CRYBA2: variants seen among roughly 807,000 people sequenced by gnomAD.
The protein encoded by CRYBA2 is crystallin beta A2, also known as beta-crystallin A2.
In CRYBA2, 17 loss-of-function variants were observed where a neutral mutation model predicts 18.5. The ratio of observed to expected loss-of-function variants is 0.92; its 90% CI spans 0.63 to 1.38. The LOEUF (loss-of-function observed/expected upper bound fraction) is 1.38. CRYBA2 is among the 40% of genes most tolerant of loss of function. The pLI is 0.00. For missense variants in CRYBA2, 271 were observed against 265.0 expected (o/e 1.02, Z -0.16); for synonymous variants, 101 against 106.2 (o/e 0.95, Z 0.30).
Position 218,991,926 on chromosome 2 carries a change from A to G in CRYBA2, c.303+176T>C, listed in dbSNP as rs1945501921. ...ATTTCTGGGCTCCGGGCCTACGCCC[A>G]CAATCCCAACTTTCTTGGAGACACC... On this transcript the variant is annotated intron_variant, in intron 2 of 3. Transcript: ENST00000295728. The G allele has an allele frequency of 9.4e-6, 6 of 636,314 alleles. No homozygotes were observed. In the East Asian group the frequency reaches 1.5e-4, roughly 16 times the overall value. The allele number at this position is 636,314 out of a possible 1,614,324, so 39.4% of individuals were successfully genotyped here.
At chr2:218,992,317 T>C in intron 1 of CRYBA2, 74 bp from the exon 2 acceptor site, 5 of 1,490,390 alleles carry the variant, frequency 3.4e-6, no homozygotes, top group East Asian at 2.3e-5. Context: ...CCGGCCATGA[T>C]TGAAAAGACT....
chr2:218,990,981 C>A lies in CRYBA2; in HGVS notation c.317G>T (p.Ser106Ile), dbSNP rs189370242. 32 of 1,614,124 alleles carry A rather than the reference C, an allele frequency of 2.0e-5. No homozygotes were observed. Among genetic ancestry groups the A allele is most frequent in the Middle Eastern group, 1.6e-4 (1 of 6,062 alleles). ...RPVLCANHND[S>I]RVTLFEGDNF... ...GTCCCCCTCAAACAGTGTCACACGG[C>A]TGTCATTGTGGTTCTGAGGCACAGC... Residue 106 changes from serine (S) to isoleucine (I), a missense_variant, in exon 3 of 4, where the codon AGC becomes ATC. Transcript: ENST00000295728.
Position 218,993,395 on chromosome 2 carries a change from G to T in CRYBA2, c.-219C>A. The stretch of plus-strand genomic sequence containing the variant: ...TTCACCGGGTGGGTGAGCGCGGCAC[G>T]CGAGGGAAATGGACCGGCTGCGAGG... On this transcript the variant is annotated 5_prime_UTR_variant, in exon 1 of 4. Transcript: ENST00000295728. The surrounding 1 kb of genome is among the most constrained non-coding windows in gnomAD (Gnocchi z 7.7). 3.6e-6 allele frequency: 2 copies of T among 550,742 alleles called. No homozygotes were observed. The highest frequency in any genetic ancestry group is 5.0e-5 in the South Asian group (2 of 40,356). 34.1% of individuals were successfully genotyped at this position (550,742 alleles called of 1,614,324 possible).
At position 218,993,177 on chromosome 2, in the gene CRYBA2, G is replaced by T; in HGVS notation, c.-1C>A. Reference sequence around the variant, plus strand: ...GGCCCGGCGCGGGGGCGCTGCTCATGCCGCTGCGGACAGGAAGGGTGGCAC... The same window carrying T: ...GGCCCGGCGCGGGGGCGCTGCTCATTCCGCTGCGGACAGGAAGGGTGGCAC... On this transcript the variant is annotated 5_prime_UTR_variant, in exon 1 of 4. Transcript: ENST00000295728. The surrounding 1 kb of genome is among the most constrained non-coding windows in gnomAD (Gnocchi z 7.7). 1 of 1,595,258 alleles carries T rather than the reference G, an allele frequency of 6.3e-7. No homozygotes were observed. Among genetic ancestry groups the T allele is most frequent in the Non-Finnish European group, 8.5e-7 (1 of 1,172,224 alleles).
At position 218,993,017 on chromosome 2, in the gene CRYBA2, C is replaced by T. The variant is rs1347178307; in HGVS notation, c.160G>A (p.Val54Ile). 6.2e-7 allele frequency: 1 copy of T among 1,601,362 alleles called. No homozygotes were observed. The highest frequency in any genetic ancestry group is 1.1e-5 in the South Asian group (1 of 90,506). ...AGCCGCGGCCAGGCAATCACTCACA[C>T]GCCGTTTTCCACCTTGACCGAGCGC... Reference protein sequence around the residue: ...RVRSVKVENGVWVAFEYPDFQ... With the variant: ...RVRSVKVENGIWVAFEYPDFQ... Residue 54 changes from valine (V) to isoleucine (I), a missense_variant and splice_region_variant, in exon 1 of 4, where the codon GTT (valine) becomes ATT (isoleucine). Val to Ile is a conservative substitution (Grantham distance 29). Coordinates refer to ENST00000295728, the MANE Select transcript of CRYBA2 (RefSeq NM_057093.2). This position sits in a 1 kb window ranked among gnomAD's most constrained non-coding sequence, Gnocchi z 7.7.
chr2:218,990,914 T>C lies in CRYBA2; in HGVS notation c.384A>G (p.Pro128=). The C allele has an allele frequency of 6.2e-7, 1 of 1,614,120 alleles. No individual in the cohort carries two copies. Among genetic ancestry groups the C allele is most frequent in the Non-Finnish European group, 8.5e-7 (1 of 1,180,018 alleles). The change falls in exon 3 of 4, where the codon CCA becomes CCG. Residue 128 remains proline, a synonymous_variant. Coordinates refer to ENST00000295728, the MANE Select transcript of CRYBA2 (RefSeq NM_057093.2). Reference sequence around the variant, plus strand: ...TGGCCCAGCCCATGGAGGGCAGGGATGGGTAGTCATCAACGAGGTCAAACT... The same window carrying C: ...TGGCCCAGCCCATGGAGGGCAGGGACGGGTAGTCATCAACGAGGTCAAACT... ...GCKFDLVDDY[P]SLPSMGWASK... is the part of the protein sequence containing the mutation.
At chr2:218,992,534 T>A (rs1945510152) in intron 1 of CRYBA2, among the ~76,000 whole-genome samples, 1 of 151,970 alleles carries the variant, frequency 6.6e-6, no homozygotes, top group South Asian at 2.1e-4. Context: ...GCCTCAAGGG[T>A]TTAGGCCTTT....
At chr2:218,991,804 G>A in intron 2 of CRYBA2, 1 of 395,834 alleles carries the variant, frequency 2.5e-6, no homozygotes, top group Non-Finnish European at 4.5e-6. Context: ...ATGGCTGTGT[G>A]ACGACAGAGG....
intron 1 of CRYBA2, among the ~76,000 whole-genome samples, chr2:218,992,780 C>T (rs978472977): frequency 5.9e-5 from 9 of 152,182 alleles, no homozygotes; most frequent in African/African-American, 2.2e-4. Context: ...ACGGTGGGGT[C>T]CCATAGGGAC....
Position 218,993,315 on chromosome 2 carries a change from C to T in CRYBA2, c.-139G>A. 1.3e-6 allele frequency: 1 copy of T among 763,998 alleles called. No individual in the cohort carries two copies. Among genetic ancestry groups the T allele is most frequent in the Non-Finnish European group, 2.0e-6 (1 of 493,762 alleles). The allele number at this position is 763,998 out of a possible 1,614,324, so 47.3% of individuals were successfully genotyped here. A position where few individuals can be genotyped will look rare whatever the true frequency, so the allele number is the denominator to read the frequency against. ...CCGGCCTAGCTCTGGACCCGGCTGC[C>T]AGGGGCTCGCAGTCTTCCCGCGCTC... On this transcript the variant is annotated 5_prime_UTR_variant, in exon 1 of 4. The change creates a premature stop within an existing upstream ORF in the 5' untranslated region. Transcript: ENST00000295728. The surrounding 1 kb of genome is among the most constrained non-coding windows in gnomAD (Gnocchi z 7.7).
In CRYBA2 at chr2:218,993,211, C is replaced by G. The variant is rs895758952; in HGVS notation, c.-35G>C. On this transcript the variant is annotated 5_prime_UTR_variant, in exon 1 of 4. Transcript: ENST00000295728. This position sits in a 1 kb window ranked among gnomAD's most constrained non-coding sequence, Gnocchi z 7.7. ...GACAGGAAGGGTGGCACCACGCGCT[C>G]AGCGTCTCAAGAGCCCCGTTTCGAG... 1.3e-6 allele frequency: 2 copies of G among 1,555,864 alleles called. No homozygotes were observed. Among genetic ancestry groups the G allele is most frequent in the African/African-American group, 1.4e-5 (1 of 72,652 alleles).
At chr2:218,992,022 T>C in intron 2 of CRYBA2, 80 bp downstream of exon 2, 1 of 1,333,794 alleles carries the variant, frequency 7.5e-7, no homozygotes, top group Non-Finnish European at 1.0e-6. Flanking sequence ...CATGCAGGGC[T>C]TGAACAGCCT....
intron 3 of CRYBA2, among the ~76,000 whole-genome samples, chr2:218,990,646 G>A (rs1945485145): frequency 7.1e-6 from 1 of 141,648 alleles, no homozygotes; most frequent in African/African-American, 2.7e-5. Context: ...CCCTTCATCT[G>A]TGCCCATATT....
At chr2:218,992,382 T>C (rs1945508266) in intron 1 of CRYBA2, 139 bp from the exon 2 acceptor site, 5 of 866,274 alleles carry the variant, frequency 5.8e-6, no homozygotes, top group Non-Finnish European at 8.7e-6. Context: ...ACCCCCATTG[T>C]ATGGCAATCC....
At position 218,993,374 on chromosome 2, in the gene CRYBA2, C is replaced by T. The variant is rs916572182; in HGVS notation, c.-198G>A. On this transcript the variant is annotated 5_prime_UTR_variant, in exon 1 of 4. The change creates a new upstream start codon in the 5' untranslated region. Coordinates refer to ENST00000295728, the MANE Select transcript of CRYBA2 (RefSeq NM_057093.2). This position sits in a 1 kb window ranked among gnomAD's most constrained non-coding sequence, Gnocchi z 7.7. ...TCCCCACCCCAGCAGAGGGCATTCA[C>T]CGGGTGGGTGAGCGCGGCACGCGAG... is the stretch of plus-strand genomic sequence containing the variant. 9 of 568,100 alleles carry T rather than the reference C, an allele frequency of 1.6e-5. No individual in the cohort carries two copies. The highest frequency in any genetic ancestry group is 2.7e-5 in the Non-Finnish European group (9 of 329,622). The allele number at this position is 568,100 out of a possible 1,614,324, so 35.2% of individuals were successfully genotyped here.
In CRYBA2 at chr2:218,993,304, G is replaced by T. The variant is rs1945522043; in HGVS notation, c.-128C>A. 2.2e-6 allele frequency: 2 copies of T among 926,694 alleles called. No individual in the cohort carries two copies. The highest frequency in any genetic ancestry group is 1.8e-5 in the South Asian group (1 of 56,522). The allele number at this position is 926,694 out of a possible 1,614,324, so 57.4% of individuals were successfully genotyped here. ...GGGGGCTGGACCCGGCCTAGCTCTG[G>T]ACCCGGCTGCCAGGGGCTCGCAGTC... On this transcript the variant is annotated 5_prime_UTR_variant, in exon 1 of 4. Transcript: ENST00000295728. The surrounding 1 kb of genome is among the most constrained non-coding windows in gnomAD (Gnocchi z 7.7).
rs538725816 is a variant in CRYBA2, at chr2:218,993,056, C to A, written c.121G>T (p.Gly41Cys). ...SDCANVCERG[G>C]LPRVRSVKVE... The stretch of plus-strand genomic sequence containing the variant: ...TTGACCGAGCGCACCCTGGGCAGGC[C>A]TCCGCGCTCGCAGACGTTCGCACAG... Residue 41 changes from glycine to cysteine, a missense_variant, in exon 1 of 4, where the codon GGC becomes TGC. Gly to Cys is a radical substitution (Grantham distance 159, BLOSUM62 -3). Coordinates refer to ENST00000295728, the MANE Select transcript of CRYBA2 (RefSeq NM_057093.2). The surrounding 1 kb of genome is among the most constrained non-coding windows in gnomAD (Gnocchi z 7.7). The A allele has an allele frequency of 6.2e-7, 1 of 1,610,534 alleles. No homozygotes were observed. Among genetic ancestry groups the A allele is most frequent in the South Asian group, 1.1e-5 (1 of 90,986 alleles).
intron 1 of CRYBA2, 135 bp from the exon 2 acceptor site, chr2:218,992,378 A>C: frequency 3.4e-6 from 3 of 873,036 alleles, no homozygotes; most frequent in Non-Finnish European, 5.2e-6. Context: ...TGACACCCCC[A>C]TTGTATGGCA....
chr2:218,992,552 G>T lies in CRYBA2; in HGVS notation c.162-309C>A, dbSNP rs112311141. 6.6e-4 allele frequency among the ~76,000 whole-genome samples: 101 copies of T among 152,250 alleles called. 1 individual carries two copies. Among genetic ancestry groups the T allele is most frequent in the African/African-American group, 2.3e-3 (96 of 41,564 alleles). ...TCAAGGGTTTAGGCCTTTGCATGGGGACACATTGGAGGACCCCTCCCGAAT... is the reference window on the plus strand; with the variant it reads ...TCAAGGGTTTAGGCCTTTGCATGGGTACACATTGGAGGACCCCTCCCGAAT... On this transcript the variant is annotated intron_variant, in intron 1 of 3. Transcript: ENST00000295728.
Sources: gnomAD v4.1 joint callset for allele counts (sites outside exome capture counted in the v4.1 genomes callset) on GRCh38, gnomAD v4.1.1 for gene constraint, Gnocchi (gnomAD v3.1) non-coding constraint, MANE v1.5 for transcripts, NCBI Gene and HGNC (gene_info 2026-07-23, HGNC 2026-07-21) for gene names.